Variants in SMAD2 observed in about 807,000 individuals in gnomAD.
SMAD2 encodes MAD homolog 2.
Under a neutral mutation model 64.4 loss-of-function variants are expected in SMAD2, and 8 were observed. The ratio of observed to expected loss-of-function variants is 0.12; its 90% CI spans 0.07 to 0.22. The LOEUF (loss-of-function observed/expected upper bound fraction) is 0.22. Among genes scored for constraint, SMAD2 ranks in the 10% least tolerant of loss-of-function variants. The probability of loss-of-function intolerance (pLI) is 1.00; values close to 1 mark genes in which losing one functional copy is unlikely to be tolerated. For synonymous variants in SMAD2, 203 were observed against 195.8 expected (o/e 1.04, Z -0.31); for missense variants, 289 against 561.2 (o/e 0.51, Z 4.90).
intron 2 of SMAD2, among the ~76,000 whole-genome samples, chr18:47,871,152 G>A (rs1175607139): frequency 1.3e-5 from 2 of 152,066 alleles, no homozygotes; most frequent in South Asian, 4.1e-4. Context: ...TTTCTCTCCA[G>A]AATATGGGCA....
chr18:47,918,415 C>T (rs2034420423), intron 1 of SMAD2, among the ~76,000 whole-genome samples: 1 of 152,150 alleles, frequency 6.6e-6, no homozygotes, highest in African/African-American at 2.4e-5. Flanking sequence ...GGAGGAAAGG[C>T]ATATAGATGC....
At chr18:47,886,035 T>C (rs1400835360) in intron 2 of SMAD2, among the ~76,000 whole-genome samples, 2 of 152,242 alleles carry the variant, frequency 1.3e-5, no homozygotes, top group African/African-American at 4.8e-5. Flanking sequence ...CCATTTTATA[T>C]AAGAGACTTG....
chr18:47,883,714 C>T (rs532738695), intron 2 of SMAD2, among the ~76,000 whole-genome samples: 1 of 152,302 alleles, frequency 6.6e-6, no homozygotes, highest in South Asian at 2.1e-4. Context: ...ACAATCTTCT[C>T]TGTTGCTGAT....
intron 2 of SMAD2, among the ~76,000 whole-genome samples, chr18:47,879,029 G>C (rs1003369347): frequency 2.0e-5 from 3 of 152,140 alleles, no homozygotes; most frequent in Non-Finnish European, 4.4e-5. Context: ...CTAGTATTCA[G>C]GAGGCCGAGA....
chr18:47,845,120 T>C, intron 10 of SMAD2: 2 of 625,406 alleles, frequency 3.2e-6, no homozygotes, highest in Non-Finnish European at 5.7e-6. Context: ...CTGAATTACG[T>C]TAAAATGCAC....
chr18:47,890,966 C>G (rs1193297774), intron 2 of SMAD2, among the ~76,000 whole-genome samples: 1 of 152,018 alleles, frequency 6.6e-6, no homozygotes, highest in Non-Finnish European at 1.5e-5. Context: ...TGCTCTATTC[C>G]AAGACAGTCT....
At chr18:47,887,823 C>T (rs2032989741) in intron 2 of SMAD2, among the ~76,000 whole-genome samples, 1 of 152,170 alleles carries the variant, frequency 6.6e-6, no homozygotes, top group Non-Finnish European at 1.5e-5. Flanking sequence ...CTGAGAAGTT[C>T]TCGTCAAGTC....
chr18:47,916,915 T>C (rs1647379712), intron 1 of SMAD2, among the ~76,000 whole-genome samples: 3 of 152,244 alleles, frequency 2.0e-5, no homozygotes, highest in Admixed American at 2.0e-4. Flanking sequence ...GTACATTCTT[T>C]TTCTCCTCTA....
intron 6 of SMAD2, among the ~76,000 whole-genome samples, chr18:47,855,005 C>T (rs897813128): frequency 6.6e-6 from 1 of 152,136 alleles, no homozygotes; most frequent in Non-Finnish European, 1.5e-5. Flanking sequence ...TCCACCTAGT[C>T]CTCTTTACCT....
At chr18:47,854,160 G>A (rs1475745563) in intron 6 of SMAD2, among the ~76,000 whole-genome samples, 1 of 151,360 alleles carries the variant, frequency 6.6e-6, no homozygotes, top group Non-Finnish European at 1.5e-5. Context: ...TGCTGCTATT[G>A]GAGTCTCACC....
At chr18:47,927,545 C>CCAGA in intron 1 of SMAD2, among the ~76,000 whole-genome samples, 1 of 152,186 alleles carries the variant, frequency 6.6e-6, no homozygotes, top group Non-Finnish European at 1.5e-5. Flanking sequence ...ATTGCCTAGT[C>CCAGA]CAGAGCCTGA....
At chr18:47,887,927 G>C (rs2032994718) in intron 2 of SMAD2, among the ~76,000 whole-genome samples, 1 of 152,200 alleles carries the variant, frequency 6.6e-6, no homozygotes, top group South Asian at 2.1e-4. Flanking sequence ...TTGAACTCAC[G>C]ATCTTTATAC....
chr18:47,854,057 T>C (rs1049194646), intron 6 of SMAD2, among the ~76,000 whole-genome samples: 2 of 150,798 alleles, frequency 1.3e-5, no homozygotes, highest in Admixed American at 1.3e-4. Context: ...TTTTAAAAAC[T>C]TAAAATAAGC....
chr18:47,888,122 C>T (rs1166207751), intron 2 of SMAD2, among the ~76,000 whole-genome samples: 1 of 151,976 alleles, frequency 6.6e-6, no homozygotes, highest in Non-Finnish European at 1.5e-5. Flanking sequence ...TTATAACATT[C>T]TGCTATAGTT....
chr18:47,874,663 G>C (rs1195807045), intron 2 of SMAD2, among the ~76,000 whole-genome samples: 1 of 152,004 alleles, frequency 6.6e-6, no homozygotes, highest in East Asian at 1.9e-4. Context: ...GATATGGAAA[G>C]GTCTAAAATA....
rs139882956 is a variant in SMAD2 at position 47,843,196 on chromosome 18, A to G, written c.1281-1246T>C. 1.1e-3 allele frequency among the ~76,000 whole-genome samples: 162 copies of G among 152,350 alleles called. 2 individuals are homozygous for G. The East Asian group carries it at 0.03, about 28-fold the overall frequency. Reference sequence around the variant, plus strand: ...AAAAGGCTAGAGGTGCCAGGAAAGAAGCATCCCCAGGAGCAGCCCTCAACC... The same window carrying G: ...AAAAGGCTAGAGGTGCCAGGAAAGAGGCATCCCCAGGAGCAGCCCTCAACC... On this transcript the variant is annotated intron_variant, in intron 10 of 10. Coordinates refer to ENST00000262160, the MANE Select transcript of SMAD2 (RefSeq NM_005901.6).
chr18:47,924,996 G>C (rs188572093), intron 1 of SMAD2, among the ~76,000 whole-genome samples: 27 of 152,288 alleles, frequency 1.8e-4, no homozygotes, highest in African/African-American at 6.5e-4. Context: ...TGAACAGATG[G>C]AATACCAGTG....
At chr18:47,851,031 G>T (rs1226084235) in intron 7 of SMAD2, among the ~76,000 whole-genome samples, 1 of 149,052 alleles carries the variant, frequency 6.7e-6, no homozygotes, top group African/African-American at 2.5e-5. Context: ...TGAGGAATAT[G>T]ATTTCAATAA....
At chr18:47,878,003 T>C (rs992204372) in intron 2 of SMAD2, among the ~76,000 whole-genome samples, 1 of 152,104 alleles carries the variant, frequency 6.6e-6, no homozygotes, top group African/African-American at 2.4e-5. Flanking sequence ...GTGTAGAAAA[T>C]GTTTTTCGAT....
Sources: gnomAD v4.1 joint callset for allele counts (sites outside exome capture counted in the v4.1 genomes callset) on GRCh38, gnomAD v4.1.1 for gene constraint, MANE v1.5 for transcripts, NCBI Gene and HGNC (gene_info 2026-07-23, HGNC 2026-07-21) for gene names.